Variants in IQCE observed in about 807,000 individuals in gnomAD.
IQCE encodes IQ motif containing E.
In IQCE, 115 loss-of-function variants were observed where a neutral mutation model predicts 96.0. That is an observed-to-expected ratio of 1.20 (90% CI 1.03 to 1.40). The LOEUF (loss-of-function observed/expected upper bound fraction) is 1.40, where lower values mean the gene tolerates loss of function less well. Ranked by LOEUF, IQCE falls within the 40% of genes most tolerant of loss-of-function variation. IQCE has a pLI of 0.00. For synonymous variants in IQCE, 412 were observed against 371.2 expected (o/e 1.11, Z -1.26); for missense variants, 1,041 against 909.1 (o/e 1.15, Z -1.87).
chr7:2,598,773 A>T, intron 17 of IQCE, 141 bp downstream of exon 17: 1 of 672,746 alleles, frequency 1.5e-6, no homozygotes, highest in East Asian at 3.3e-5. Flanking sequence ...CAGAAAATGA[A>T]AACCTCATTC....
At chr7:2,604,748 C>T (rs1225698052) in intron 18 of IQCE, 133 bp from the exon 19 acceptor site, 9 of 635,080 alleles carry the variant, frequency 1.4e-5, no homozygotes, top group Admixed American at 2.5e-5. Flanking sequence ...TTTGAGAGAA[C>T]GTGGCTGCAC....
chr7:2,568,703 G>A (rs543031539), intron 2 of IQCE, among the ~76,000 whole-genome samples: 1 of 152,174 alleles, frequency 6.6e-6, no homozygotes, highest in Non-Finnish European at 1.5e-5. Flanking sequence ...TCAGGAGCCC[G>A]GGCCCGATGG....
At chr7:2,596,555 G>C (rs1412064466) in intron 16 of IQCE, among the ~76,000 whole-genome samples, 1 of 152,206 alleles carries the variant, frequency 6.6e-6, no homozygotes, top group Non-Finnish European at 1.5e-5. Flanking sequence ...CCAAGTAGGG[G>C]ATCAGCTCTC....
intron 21 of IQCE, among the ~76,000 whole-genome samples, chr7:2,608,321 C>A (rs1477878706): frequency 1.3e-5 from 2 of 152,212 alleles, no homozygotes; most frequent in Admixed American, 1.3e-4. Context: ...AGACCTGGAG[C>A]CCGAGAGCCT....
intron 21 of IQCE, among the ~76,000 whole-genome samples, chr7:2,608,773 G>A (rs1306565926): frequency 6.6e-6 from 1 of 152,250 alleles, no homozygotes; most frequent in Non-Finnish European, 1.5e-5. Context: ...TCATCCCCGT[G>A]ACCCAGGGAT....
intron 17 of IQCE, among the ~76,000 whole-genome samples, chr7:2,599,663 A>G (rs543224695): frequency 2.6e-4 from 39 of 150,760 alleles, no homozygotes; most frequent in Admixed American, 7.9e-4. Context: ...CACCTGGCCA[A>G]TTTTTGTAGA....
Position 2,607,112 on chromosome 7 carries a change from G to T in IQCE, c.1866-12G>T. 6.3e-7 allele frequency: 1 copy of T among 1,583,432 alleles called. No homozygotes were observed. The highest frequency in any genetic ancestry group is 8.6e-7 in the Non-Finnish European group (1 of 1,167,288). ...AAAGCAGAATCAGCTGGCGTTTTCTGTTTTTTTCCAGTGCTACCGGTAAAA... is the reference window on the plus strand; with the variant it reads ...AAAGCAGAATCAGCTGGCGTTTTCTTTTTTTTTCCAGTGCTACCGGTAAAA... On this transcript the variant is annotated splice_polypyrimidine_tract_variant and intron_variant, in intron 20 of 21. Transcript: ENST00000402050.
intron 12 of IQCE, among the ~76,000 whole-genome samples, chr7:2,587,045 C>T (rs1405407684): frequency 6.6e-6 from 1 of 152,142 alleles, no homozygotes; most frequent in East Asian, 1.9e-4. Flanking sequence ...ATGGGGGCAG[C>T]AGTGGGTGTG....
chr7:2,593,125 A>T lies in IQCE; in HGVS notation c.1348A>T (p.Arg450Ter). 6.2e-7 allele frequency: 1 copy of T among 1,609,472 alleles called. No homozygotes were observed. Among genetic ancestry groups the T allele is most frequent in the African/African-American group, 1.3e-5 (1 of 74,972 alleles). ...GAGGAGAGAGCGAGAGGAGGTTTTG[A>T]GGTATGTGACCCGGGTCAGGGCTGG... ...EERREREEVL[R>*]EEIQTLTSKL... Residue 450 changes from arginine (R) to a stop codon, truncating the protein, a stop_gained and splice_region_variant, in exon 15 of 22, where the codon AGA (arginine) becomes TGA (stop). Transcript: ENST00000402050. LOFTEE classifies it high-confidence loss of function.
intron 13 of IQCE, 49 bp from the exon 14 acceptor site, chr7:2,589,858 A>G (rs769815985): frequency 6.4e-7 from 1 of 1,564,194 alleles, no homozygotes; most frequent in East Asian, 2.2e-5. Context: ...TGGTAAATAG[A>G]AAGTAGAAAT....
rs1220527830 is a variant in IQCE, at chr7:2,588,373, G to C, written c.1044+496G>C. Among the ~76,000 whole-genome samples the C allele has an allele frequency of 9.4e-5, 13 of 137,956 alleles. No homozygotes were observed. In the East Asian group the frequency reaches 2.1e-3, roughly 22 times the overall value. 90.5% of individuals were successfully genotyped at this position (137,956 alleles called of 152,430 possible). A position where few individuals can be genotyped will look rare whatever the true frequency, so the allele number is the denominator to read the frequency against. ...TTTTGTTTTTTTTTTCTTTTTTTTT[G>C]AGATGGAGTCTCACTCTGTCCCCAG... On this transcript the variant is annotated intron_variant, in intron 13 of 21. Transcript: ENST00000402050.
At chr7:2,588,173 G>A (rs986298290) in intron 13 of IQCE, among the ~76,000 whole-genome samples, 3 of 152,158 alleles carry the variant, frequency 2.0e-5, no homozygotes, top group South Asian at 2.1e-4. Flanking sequence ...GCCCGCTGAT[G>A]ACCAGGCACT....
intron 6 of IQCE, 74 bp from the exon 7 acceptor site, chr7:2,578,154 CGTGTGCGTGGCTGT>C (rs1287333429): frequency 1.0e-6 from 1 of 984,042 alleles, no homozygotes; most frequent in Non-Finnish European, 1.6e-6. Flanking sequence ...CCCGCATTGG[CGTGTGCGTGGCTGT>C]GTGCGCGGGG....
intron 13 of IQCE, among the ~76,000 whole-genome samples, chr7:2,589,622 C>T (rs1783418323): frequency 6.6e-6 from 1 of 152,058 alleles, no homozygotes; most frequent in African/African-American, 2.4e-5. Context: ...CGTTTGAGTC[C>T]CCTCCCCTCG....
chr7:2,597,040 A>C (rs1217239141), intron 16 of IQCE: 1 of 471,358 alleles, frequency 2.1e-6, no homozygotes, highest in Non-Finnish European at 4.4e-6. Context: ...CAGGGCACGC[A>C]AGGCCACGCA....
chr7:2,568,906 C>G (rs201117529), intron 2 of IQCE, 48 bp from the exon 3 acceptor site: 7 of 1,559,302 alleles, frequency 4.5e-6, no homozygotes, highest in Non-Finnish European at 6.1e-6. Context: ...TTGTGATGCA[C>G]CACTGTGGGA....
At chr7:2,607,010 T>C in intron 20 of IQCE, 114 bp from the exon 21 acceptor site, 1 of 976,368 alleles carries the variant, frequency 1.0e-6, no homozygotes, top group South Asian at 1.7e-5. Flanking sequence ...TGGCTCTGTG[T>C]TTGCTTTCAT....
At chr7:2,586,840 C>G (rs984346522) in intron 12 of IQCE, among the ~76,000 whole-genome samples, 1 of 152,036 alleles carries the variant, frequency 6.6e-6, no homozygotes, top group Admixed American at 6.5e-5. Flanking sequence ...CTGGGAGACA[C>G]GTGGAGTGTG....
In IQCE at chr7:2,610,184, C is replaced by A; in HGVS notation, c.*22C>A. On this transcript the variant is annotated 3_prime_UTR_variant, in exon 22 of 22. Transcript: ENST00000402050. ...TTAGGTCCCCGTCACTGTCTCCACG[C>A]CGTGATGGCAGCGCTGCCGAGGACA... 1 of 1,394,230 alleles carries A rather than the reference C, an allele frequency of 7.2e-7. No individual in the cohort carries two copies. Among genetic ancestry groups the A allele is most frequent in the Non-Finnish European group, 1.0e-6 (1 of 978,626 alleles). 86.4% of individuals were successfully genotyped at this position (1,394,230 alleles called of 1,614,324 possible). A position where few individuals can be genotyped will look rare whatever the true frequency, so the allele number is the denominator to read the frequency against.
Sources: gnomAD v4.1 joint callset for allele counts (sites outside exome capture counted in the v4.1 genomes callset) on GRCh38, gnomAD v4.1.1 for gene constraint, MANE v1.5 for transcripts, NCBI Gene and HGNC (gene_info 2026-07-23, HGNC 2026-07-21) for gene names.